Variants in RMDN1 observed in about 807,000 individuals in gnomAD.
The protein encoded by RMDN1 is regulator of microtubule dynamics protein 1.
In RMDN1, 48 loss-of-function variants were observed where a neutral mutation model predicts 48.9. That is an observed-to-expected ratio of 0.98 (90% CI 0.78 to 1.25). The LOEUF (loss-of-function observed/expected upper bound fraction) is 1.25. Among genes scored for constraint, RMDN1 ranks in the 50% most tolerant of loss-of-function variants. The pLI is 0.00. For missense variants in RMDN1, 418 were observed against 373.4 expected (o/e 1.12, Z -0.98); for synonymous variants, 148 against 132.6 (o/e 1.12, Z -0.80).
chr8:86,498,867 A>G (rs1452493069), intron 2 of RMDN1, among the ~76,000 whole-genome samples: 2 of 111,536 alleles, frequency 1.8e-5, no homozygotes, highest in Non-Finnish European at 4.1e-5. Context: ...AAGATAATAC[A>G]CCACAAAAGT....
intron 2 of RMDN1, 86 bp downstream of exon 2, chr8:86,506,909 C>T: frequency 1.4e-6 from 1 of 717,802 alleles, no homozygotes; most frequent in East Asian, 2.5e-5. Flanking sequence ...ATTAACATTA[C>T]CCTGATTCTT....
At chr8:86,509,831 CT>C (rs1819951474), upstream of RMDN1, among the ~76,000 whole-genome samples, 1 of 152,124 alleles carries the variant, frequency 6.6e-6, no homozygotes, top group South Asian at 2.1e-4. Flanking sequence ...TCTTTAAAGT[CT>C]ATCTTTAAAA....
At chr8:86,503,371 C>CAAAAAAAAAAAAAAAAACCAAAA (rs1818637794) in intron 2 of RMDN1, among the ~76,000 whole-genome samples, 1 of 68,038 alleles carries the variant, frequency 1.5e-5, no homozygotes, top group Non-Finnish European at 2.5e-5. Flanking sequence ...CAAAACAAAA[C>CAAAAAAAAAAAAAAAAACCAAAA]AAAAAAAAAA....
downstream of RMDN1, chr8:86,470,176 T>C (rs1358431327): frequency 5.4e-6 from 7 of 1,288,636 alleles, no homozygotes; most frequent in Non-Finnish European, 7.1e-6. Context: ...ATATAGCCTA[T>C]GTATGTAATA....
intron 2 of RMDN1, among the ~76,000 whole-genome samples, chr8:86,503,366 CA>C (rs1354324383): frequency 7.1e-5 from 5 of 70,480 alleles, no homozygotes; most frequent in South Asian, 5.5e-4. Context: ...CAAAACAAAA[CA>C]AAACAAAAAA....
Position 86,480,334 on chromosome 8 carries a change from TAA to T in RMDN1, c.586-4_586-3del. 6.7e-7 allele frequency: 1 copy of T among 1,500,814 alleles called. No individual in the cohort carries two copies. The highest frequency in any genetic ancestry group is 9.1e-7 in the Non-Finnish European group (1 of 1,100,950). The allele number at this position is 1,500,814 out of a possible 1,614,324, so 93.0% of individuals were successfully genotyped here. A position where few individuals can be genotyped will look rare whatever the true frequency, so the allele number is the denominator to read the frequency against. On this transcript the variant is annotated splice_polypyrimidine_tract_variant and splice_region_variant and intron_variant, in intron 5 of 9. Transcript: ENST00000406452. ...TTTAGGGTTCAGTTCAATTGCTTTC[TAA>T]CAAGAAATGAGAAAAATAAATCATA...
chr8:86,481,538 G>A (rs961841165), intron 5 of RMDN1, among the ~76,000 whole-genome samples: 6 of 148,860 alleles, frequency 4.0e-5, no homozygotes, highest in East Asian at 2.0e-4. Context: ...TGCCTGGGGG[G>A]ATCAGGGTTT....
Position 86,488,617 on chromosome 8 carries a change from T to A in RMDN1, c.270A>T (p.Ala90=), listed in dbSNP as rs770029265. The part of the protein sequence containing the change: ...TAKVEEILEQ[A]DYLYESGETE... ...TTTCTCCGCTTTCATACAGGTAGTCTGCTTGTTCAAGTATTTCTTCAACTT... is the reference window on the plus strand; with the variant it reads ...TTTCTCCGCTTTCATACAGGTAGTCAGCTTGTTCAAGTATTTCTTCAACTT... The change falls in exon 3 of 10, where the codon GCA becomes GCT. Residue 90 remains alanine (A), a synonymous_variant. Transcript: ENST00000406452. 1.2e-6 allele frequency: 2 copies of A among 1,609,394 alleles called. No homozygotes were observed. Among genetic ancestry groups the A allele is most frequent in the Non-Finnish European group, 1.7e-6 (2 of 1,177,932 alleles).
chr8:86,480,222 A>C, intron 6 of RMDN1, 55 bp downstream of exon 6: 1 of 837,740 alleles, frequency 1.2e-6, no homozygotes, highest in South Asian at 1.9e-5. Context: ...ATATTTATAC[A>C]TACTACAAAA....
chr8:86,495,389 G>A (rs369517730), intron 2 of RMDN1, among the ~76,000 whole-genome samples: 1 of 148,654 alleles, frequency 6.7e-6, no homozygotes, highest in Non-Finnish European at 1.5e-5. Context: ...ACTACCTGGA[G>A]AGCTGCCAGA....
intron 2 of RMDN1, among the ~76,000 whole-genome samples, chr8:86,495,742 C>T (rs972171653): frequency 5.3e-5 from 8 of 152,166 alleles, no homozygotes; most frequent in Admixed American, 2.6e-4. Context: ...TCACTCAGAG[C>T]CTCTGCCCAC....
chr8:86,498,313 C>T (rs926060561), intron 2 of RMDN1, among the ~76,000 whole-genome samples: 1 of 151,080 alleles, frequency 6.6e-6, no homozygotes, highest in Non-Finnish European at 1.5e-5. Context: ...GAGTCATAGC[C>T]AAATTCAACC....
intron 2 of RMDN1, chr8:86,504,475 G>T (rs1818939521): frequency 3.2e-6 from 5 of 1,552,744 alleles, no homozygotes; most frequent in Non-Finnish European, 3.6e-6. Flanking sequence ...AATCTTCAAG[G>T]ATGCAGGTGT....
chr8:86,484,931 C>T lies in RMDN1; in HGVS notation c.526G>A (p.Asp176Asn). The change falls in exon 5 of 10, where the codon GAT (aspartate) becomes AAT (asparagine). Residue 176 changes from aspartate (D) to asparagine (N), a missense_variant. Transcript: ENST00000406452. Reference sequence around the variant, plus strand: ...ATTTTAGCCTTGATGCCTTCATAATCTCCAACATCACTAAGGCAGATTGCA... The same window carrying T: ...ATTTTAGCCTTGATGCCTTCATAATTTCCAACATCACTAAGGCAGATTGCA... ...WYAICLSDVG[D>N]YEGIKAKIAN... The T allele has an allele frequency of 1.2e-6, 2 of 1,607,294 alleles. No homozygotes were observed. The highest frequency in any genetic ancestry group is 2.2e-5 in the South Asian group (2 of 90,320).
chr8:86,494,780 C>T (rs1185307312), intron 2 of RMDN1: 3 of 280,816 alleles, frequency 1.1e-5, no homozygotes, highest in Admixed American at 9.8e-5. Context: ...TCAATACCAG[C>T]CCAGCCAACA....
At chr8:86,476,165 A>G (rs1156322300) in intron 8 of RMDN1, among the ~76,000 whole-genome samples, 1 of 151,970 alleles carries the variant, frequency 6.6e-6, no homozygotes, top group African/African-American at 2.4e-5. Context: ...TTTTCTCAAC[A>G]CCCCCAACCC....
intron 2 of RMDN1, chr8:86,494,898 C>T: frequency 2.3e-6 from 1 of 431,474 alleles, no homozygotes. Flanking sequence ...CACTTGAACC[C>T]AGGAGGCAGT....
chr8:86,476,964 G>C (rs1169959708), intron 8 of RMDN1, among the ~76,000 whole-genome samples: 15 of 152,160 alleles, frequency 9.9e-5, no homozygotes, highest in Admixed American at 9.8e-4. Context: ...GCCTTCCAAA[G>C]TGCTGGGATT....
At chr8:86,485,884 C>T (rs1456632528) in intron 4 of RMDN1, among the ~76,000 whole-genome samples, 1 of 152,162 alleles carries the variant, frequency 6.6e-6, no homozygotes, top group African/African-American at 2.4e-5. Flanking sequence ...AATGAAGCCT[C>T]GGAGCAATCA....
Sources: allele counts gnomAD v4.1 joint callset (sites outside exome capture counted in the v4.1 genomes callset), GRCh38; gene constraint gnomAD v4.1.1; transcripts MANE v1.5; gene names NCBI Gene and HGNC (gene_info 2026-07-23, HGNC 2026-07-21).